PTPN2: variants seen among roughly 807,000 people sequenced by gnomAD.
The protein encoded by PTPN2 is tyrosine-protein phosphatase non-receptor type 2.
A neutral mutation model predicts 57.3 loss-of-function variants in PTPN2; 19 were observed. That is an observed-to-expected ratio of 0.33 (90% CI 0.23 to 0.49). The LOEUF is 0.49. Ranked by LOEUF, PTPN2 falls within the 20% of genes least tolerant of loss-of-function variation. The pLI, the probability that PTPN2 is intolerant of heterozygous loss-of-function variation, is 0.99. For synonymous variants in PTPN2, 153 were observed against 164.9 expected, an observed-to-expected ratio of 0.93 and a Z score of 0.55; for missense variants, 358 against 501.1, an observed-to-expected ratio of 0.71 and a Z score of 2.73.
intron 4 of PTPN2, among the ~76,000 whole-genome samples, chr18:12,827,210 G>A (rs2042499149): frequency 6.6e-6 from 1 of 151,934 alleles, no homozygotes; most frequent in South Asian, 2.1e-4. Context: ...GGGTGTGGTG[G>A]TGGACGCCTG....
intron 7 of PTPN2, among the ~76,000 whole-genome samples, chr18:12,809,490 G>C (rs1010034365): frequency 6.6e-6 from 1 of 152,194 alleles, no homozygotes; most frequent in East Asian, 1.9e-4. Context: ...CCCCATCTAT[G>C]TATCTGCCAG....
chr18:12,878,096 G>A (rs2044551440), intron 1 of PTPN2, among the ~76,000 whole-genome samples: 1 of 152,102 alleles, frequency 6.6e-6, no homozygotes, highest in African/African-American at 2.4e-5. Flanking sequence ...TAAGCCTTTG[G>A]AAGGCTGAGG....
intron 8 of PTPN2, chr18:12,801,679 C>T (rs1273039081): frequency 2.7e-5 from 7 of 261,166 alleles, no homozygotes; most frequent in Non-Finnish European, 5.2e-5. Context: ...GTGATCCTCC[C>T]ACTTCAGTCT....
chr18:12,840,700 A>C, intron 2 of PTPN2: 1 of 1,597,974 alleles, frequency 6.3e-7, no homozygotes, highest in Non-Finnish European at 8.5e-7. Context: ...GATTTGTGCA[A>C]TTTAAGAGAT....
intron 2 of PTPN2, among the ~76,000 whole-genome samples, chr18:12,856,680 C>A (rs2043600488): frequency 6.6e-6 from 1 of 152,190 alleles, no homozygotes; most frequent in African/African-American, 2.4e-5. Flanking sequence ...GGAGAAAAAT[C>A]ATAAGTTTTA....
At chr18:12,870,513 T>TGTG in intron 1 of PTPN2, among the ~76,000 whole-genome samples, 1 of 120,710 alleles carries the variant, frequency 8.3e-6, no homozygotes, top group African/African-American at 3.3e-5. Context: ...GCGTGTTGTT[T>TGTG]TTTTTTTTTT....
intron 7 of PTPN2, among the ~76,000 whole-genome samples, chr18:12,806,836 T>C (rs576091318): frequency 2.6e-5 from 4 of 152,044 alleles, no homozygotes; most frequent in Non-Finnish European, 4.4e-5. Context: ...CAAACAAATA[T>C]ACATACTAGA....
At chr18:12,818,085 T>C (rs1329215322) in intron 5 of PTPN2, among the ~76,000 whole-genome samples, 4 of 152,254 alleles carry the variant, frequency 2.6e-5, no homozygotes, top group East Asian at 3.9e-4. Context: ...GAGGTTGCAG[T>C]GAGCAGAGAT....
In PTPN2 at chr18:12,794,257, T is replaced by C. The variant is rs781062215; in HGVS notation, c.*21A>G. On this transcript the variant is annotated 3_prime_UTR_variant, in exon 9 of 9. Coordinates refer to ENST00000309660, the MANE Select transcript of PTPN2 (RefSeq NM_002828.4). ...CACTGTCAGTTACTAGTGCAGAAGC[T>C]TGCTGGGCAAAATTAATTGTTTATA... The C allele has an allele frequency of 2.8e-5, 45 of 1,613,770 alleles. No individual in the cohort carries two copies. The South Asian group carries it at 4.7e-4, about 17-fold the overall frequency.
At chr18:12,853,896 G>T (rs2043481423) in intron 2 of PTPN2, among the ~76,000 whole-genome samples, 2 of 152,048 alleles carry the variant, frequency 1.3e-5, no homozygotes, top group South Asian at 4.2e-4. Flanking sequence ...GAGGAGAGTG[G>T]AAAACACACT....
chr18:12,841,810 T>G (rs572255979), intron 2 of PTPN2, among the ~76,000 whole-genome samples: 1 of 152,176 alleles, frequency 6.6e-6, no homozygotes. Flanking sequence ...ATAGGTAAAA[T>G]TCATTAGTTT....
chr18:12,857,625 G>T (rs1044939979), intron 2 of PTPN2, among the ~76,000 whole-genome samples: 3 of 152,186 alleles, frequency 2.0e-5, no homozygotes, highest in African/African-American at 7.2e-5. Flanking sequence ...GTAGCTCAGT[G>T]ATTCTCAATC....
At chr18:12,870,321 G>GTA (rs555618476) in intron 1 of PTPN2, among the ~76,000 whole-genome samples, 2 of 40,978 alleles carry the variant, frequency 4.9e-5, no homozygotes, top group Admixed American at 2.3e-4. Flanking sequence ...ATATATATGT[G>GTA]TATATATATG....
intron 1 of PTPN2, among the ~76,000 whole-genome samples, chr18:12,864,780 T>C (rs1480715090): frequency 1.3e-5 from 2 of 152,186 alleles, no homozygotes; most frequent in African/African-American, 4.8e-5. Context: ...TTAATCCCTC[T>C]TGAAATTTGC....
chr18:12,804,302 A>AG (rs1314242477), intron 7 of PTPN2, among the ~76,000 whole-genome samples: 1 of 150,026 alleles, frequency 6.7e-6, no homozygotes, highest in Non-Finnish European at 1.5e-5. Context: ...AAAAAAAAAA[A>AG]AAAAAAAGAA....
chr18:12,852,544 G>A (rs1034341761), intron 2 of PTPN2, among the ~76,000 whole-genome samples: 1 of 152,066 alleles, frequency 6.6e-6, no homozygotes, highest in Non-Finnish European at 1.5e-5. Context: ...TTTGAGACAA[G>A]GTCTCACATT....
intron 1 of PTPN2, among the ~76,000 whole-genome samples, chr18:12,865,336 G>A (rs949467700): frequency 6.6e-6 from 1 of 151,824 alleles, no homozygotes; most frequent in African/African-American, 2.4e-5. Flanking sequence ...TTGGGAGGCA[G>A]AAGTGGGAGG....
intron 2 of PTPN2, among the ~76,000 whole-genome samples, chr18:12,842,365 T>C (rs868316248): frequency 3.4e-4 from 52 of 152,144 alleles, no homozygotes; most frequent in African/African-American, 1.2e-3. Context: ...AATATCTATA[T>C]TGGTGATATA....
At chr18:12,802,237 A>G in intron 7 of PTPN2, 86 bp from the exon 8 acceptor site, 1 of 1,102,740 alleles carries the variant, frequency 9.1e-7, no homozygotes, top group South Asian at 1.6e-5. Context: ...TTAAAATCCT[A>G]TATTCAAGTT....
Sources: gnomAD v4.1 joint callset for allele counts (sites outside exome capture counted in the v4.1 genomes callset) on GRCh38, gnomAD v4.1.1 for gene constraint, MANE v1.5 for transcripts, NCBI Gene and HGNC (gene_info 2026-07-23, HGNC 2026-07-21) for gene names.